USP40: variants seen among roughly 807,000 people sequenced by gnomAD.
USP40 encodes the protein ubiquitin carboxyl-terminal hydrolase 40.
Under a neutral mutation model 166.2 loss-of-function variants are expected in USP40, and 143 were observed. The observed-to-expected ratio is 0.86, with a 90% confidence interval of 0.75 to 0.99. The LOEUF (loss-of-function observed/expected upper bound fraction) is 0.99. Among genes scored for constraint, USP40 ranks in the 50% least tolerant of loss-of-function variants. The probability of loss-of-function intolerance (pLI) is 0.00; values close to 1 mark genes in which losing one functional copy is unlikely to be tolerated. For missense variants in USP40, 1,444 were observed against 1,479.7 expected (o/e 0.98, Z 0.40); for synonymous variants, 498 against 524.0 (o/e 0.95, Z 0.68).
Position 233,525,532 on chromosome 2 carries a change from G to A in USP40, c.1756C>T (p.Leu586Phe). 6.2e-7 allele frequency: 1 copy of A among 1,613,022 alleles called. No homozygotes were observed. Among genetic ancestry groups the A allele is most frequent in the African/African-American group, 1.3e-5 (1 of 74,998 alleles). Residue 586 changes from leucine to phenylalanine, a missense_variant, in exon 14 of 32, where the codon CTT becomes TTT. Physicochemically the swap from Leu to Phe is conservative, Grantham distance 22. Transcript: ENST00000678225. ...GCTGGTACAAGCTTTGCAACACTAA[G>A]AACCATGTCTCCTTCCCAAAATTCT... The part of the protein sequence containing the change: ...LLEFWEGDMV[L>F]SVAKLVPAGL...
At chr2:233,532,452 G>T (rs775420108) in intron 11 of USP40, among the ~76,000 whole-genome samples, 6 of 152,202 alleles carry the variant, frequency 3.9e-5, no homozygotes, top group Non-Finnish European at 7.3e-5. Flanking sequence ...AGGTGAGCAT[G>T]AAGTGGCCAA....
At position 233,502,037 on chromosome 2, in the gene USP40, G is replaced by A. The variant is rs148579502; in HGVS notation, c.2614-2122C>T. Among the ~76,000 whole-genome samples the A allele has an allele frequency of 6.4e-3, 975 of 152,310 alleles. 3 individuals carry two copies. The highest frequency in any genetic ancestry group is 0.022 in the African/African-American group (922 of 41,562). On this transcript the variant is annotated intron_variant, in intron 21 of 31. Coordinates refer to ENST00000678225, the MANE Select transcript of USP40 (RefSeq NM_001365479.2). ...GAGTCATCAGGTACATCGAATGTTG[G>A]TGATAGAGCAAGTAACATGAAGAGT...
At chr2:233,510,443 C>T (rs1269319472) in intron 20 of USP40, among the ~76,000 whole-genome samples, 1 of 90,580 alleles carries the variant, frequency 1.1e-5, no homozygotes. Flanking sequence ...GCTCTTGTTG[C>T]CCAGGCTGGA....
intron 18 of USP40, among the ~76,000 whole-genome samples, chr2:233,517,703 T>C (rs2067325865): frequency 6.6e-6 from 1 of 152,190 alleles, no homozygotes; most frequent in African/African-American, 2.4e-5. Flanking sequence ...TGCATGTTTA[T>C]AGCAGCACAG....
chr2:233,500,915 T>C (rs893942773), intron 21 of USP40, among the ~76,000 whole-genome samples: 13 of 152,210 alleles, frequency 8.5e-5, no homozygotes, highest in African/African-American at 2.4e-4. Flanking sequence ...TGATGTTATC[T>C]GATTGCAACA....
intron 8 of USP40, among the ~76,000 whole-genome samples, chr2:233,547,702 T>TC (rs1465103222): frequency 6.6e-6 from 1 of 152,224 alleles, no homozygotes; most frequent in East Asian, 1.9e-4. Context: ...ATCTGCAAAT[T>TC]CTTTTTTTGA....
chr2:233,486,108 C>T lies in USP40; in HGVS notation c.3198-131G>A. 1 of 1,002,464 alleles carries T rather than the reference C, an allele frequency of 1.0e-6. No homozygotes were observed. Among genetic ancestry groups the T allele is most frequent in the South Asian group, 1.6e-5 (1 of 63,518 alleles). 62.1% of individuals were successfully genotyped at this position (1,002,464 alleles called of 1,614,324 possible). On this transcript the variant is annotated intron_variant, in intron 28 of 31. Coordinates refer to ENST00000678225, the MANE Select transcript of USP40 (RefSeq NM_001365479.2). The surrounding 1 kb of genome is among the most constrained non-coding windows in gnomAD (Gnocchi z 4.0). Reference sequence around the variant, plus strand: ...ATAAGGAGAGATTTTTCCCTAAATGCTGGATGCTAGTGGCAAACTCTTATT... The same window carrying T: ...ATAAGGAGAGATTTTTCCCTAAATGTTGGATGCTAGTGGCAAACTCTTATT...
rs2064931091 is a variant in USP40 at position 233,486,115 on chromosome 2, C to G, written c.3198-138G>C. ...GAGATTTTTCCCTAAATGCTGGATG[C>G]TAGTGGCAAACTCTTATTCCGCATT... is the stretch of plus-strand genomic sequence containing the variant. On this transcript the variant is annotated intron_variant, in intron 28 of 31. Transcript: ENST00000678225. This position sits in a 1 kb window ranked among gnomAD's most constrained non-coding sequence, Gnocchi z 4.0. 2.2e-6 allele frequency: 2 copies of G among 911,226 alleles called. No individual in the cohort carries two copies. Among genetic ancestry groups the G allele is most frequent in the Non-Finnish European group, 3.3e-6 (2 of 614,162 alleles). 56.4% of individuals were successfully genotyped at this position (911,226 alleles called of 1,614,324 possible).
intron 16 of USP40, among the ~76,000 whole-genome samples, chr2:233,521,551 T>C (rs1233599078): frequency 2.0e-5 from 3 of 152,198 alleles, no homozygotes; most frequent in Admixed American, 2.0e-4. Context: ...GCATATATAT[T>C]GTATACTGCA....
intron 11 of USP40, among the ~76,000 whole-genome samples, chr2:233,529,808 C>CTTTT (rs1165483800): frequency 1.6e-5 from 2 of 123,770 alleles, no homozygotes; most frequent in Non-Finnish European, 1.7e-5. Context: ...TTTTCTTTTT[C>CTTTT]TTTTTCTTTT....
At chr2:233,549,591 A>C (rs1043838209) in intron 7 of USP40, among the ~76,000 whole-genome samples, 1 of 152,082 alleles carries the variant, frequency 6.6e-6, no homozygotes, top group Non-Finnish European at 1.5e-5. Context: ...CCATCTTCGT[A>C]CAATACCTAT....
intron 21 of USP40, among the ~76,000 whole-genome samples, chr2:233,503,032 G>C (rs142088307): frequency 1.3e-5 from 2 of 152,226 alleles, no homozygotes; most frequent in Non-Finnish European, 2.9e-5. Context: ...AAACCCCGAA[G>C]AAAAGTATAT....
intron 16 of USP40, among the ~76,000 whole-genome samples, chr2:233,521,425 C>G (rs1194201827): frequency 6.6e-6 from 1 of 152,186 alleles, no homozygotes; most frequent in Non-Finnish European, 1.5e-5. Context: ...TAAAAGAGCA[C>G]CTATGCCAGG....
intron 21 of USP40, among the ~76,000 whole-genome samples, chr2:233,504,706 T>C (rs1342479366): frequency 6.6e-6 from 1 of 151,896 alleles, no homozygotes; most frequent in Non-Finnish European, 1.5e-5. Context: ...CCCAAATATA[T>C]AAAGCTAATA....
rs1199061970 is a variant in USP40, at chr2:233,533,558, A to G, written c.1392T>C (p.Asp464=). ...DSKVQPIREK[D]IEQQFQGKES... ...CTTTACCCTGAAATTGCTGTTCAAT[A>G]TCCTTTTCCCTGATTGGCTGGACTT... Residue 464 remains aspartate, a synonymous_variant, in exon 11 of 32, where the codon GAT becomes GAC. Transcript: ENST00000678225. The G allele has an allele frequency of 1.2e-6, 2 of 1,613,730 alleles. No individual in the cohort carries two copies. The highest frequency in any genetic ancestry group is 2.2e-5 in the East Asian group (1 of 44,878).
intron 26 of USP40, 196 bp downstream of exon 26, chr2:233,490,971 G>C: frequency 1.4e-6 from 1 of 702,258 alleles, no homozygotes. Flanking sequence ...TCAGAGGAGG[G>C]ACCAGTGAGG....
chr2:233,561,209 C>A (rs368115807), intron 3 of USP40: 13 of 1,567,470 alleles, frequency 8.3e-6, no homozygotes, highest in East Asian at 2.3e-5. Context: ...CTCTTCTGGG[C>A]CAAGAGAAAA....
rs2064929042 is a variant in USP40, at chr2:233,486,065, C to T, written c.3198-88G>A. The stretch of plus-strand genomic sequence containing the variant: ...AGGCATAATGGGCAAAGCTTCTCCT[C>T]CAGCTTTTCTGGTTTTTATAAGGAG... On this transcript the variant is annotated intron_variant, in intron 28 of 31. Transcript: ENST00000678225. The surrounding 1 kb of genome is among the most constrained non-coding windows in gnomAD (Gnocchi z 4.0). 1 of 1,397,144 alleles carries T rather than the reference C, an allele frequency of 7.2e-7. No individual in the cohort carries two copies. Among genetic ancestry groups the T allele is most frequent in the Non-Finnish European group, 9.6e-7 (1 of 1,045,466 alleles). The allele number at this position is 1,397,144 out of a possible 1,614,324, so 86.5% of individuals were successfully genotyped here.
Position 233,542,297 on chromosome 2 carries a change from G to A in USP40, c.1033C>T (p.Leu345=). 1.3e-6 allele frequency: 2 copies of A among 1,557,210 alleles called. No individual in the cohort carries two copies. The highest frequency in any genetic ancestry group is 8.7e-7 in the Non-Finnish European group (1 of 1,151,336). The change falls in exon 9 of 32, where the codon CTG becomes TTG. Residue 345 remains leucine (L), a synonymous_variant. Coordinates refer to ENST00000678225, the MANE Select transcript of USP40 (RefSeq NM_001365479.2). ...LQSEEEIDHP[L]MILKAILLEE... ...AATAAGATTGCTTTTAGAATCATCA[G>A]TGGATGATCAATCTCTTCTTCACTC...
Sources: gnomAD v4.1 joint callset for allele counts (sites outside exome capture counted in the v4.1 genomes callset) on GRCh38, gnomAD v4.1.1 for gene constraint, Gnocchi (gnomAD v3.1) non-coding constraint, MANE v1.5 for transcripts, NCBI Gene and HGNC (gene_info 2026-07-23, HGNC 2026-07-21) for gene names.